Variants in SYNDIG1 observed in about 807,000 individuals in gnomAD.
The protein encoded by SYNDIG1 is synapse differentiation inducing 1.
Under a neutral mutation model 19.4 loss-of-function variants are expected in SYNDIG1, and 9 were observed. The ratio of observed to expected loss-of-function variants is 0.46; its 90% CI spans 0.28 to 0.81. SYNDIG1 has a LOEUF of 0.81. Among genes scored for constraint, SYNDIG1 ranks in the 30% least tolerant of loss-of-function variants. The pLI, the probability that SYNDIG1 is intolerant of heterozygous loss-of-function variation, is 0.12. For synonymous variants in SYNDIG1, 141 were observed against 145.9 expected, an observed-to-expected ratio of 0.97 and a Z score of 0.24; for missense variants, 311 against 343.3, an observed-to-expected ratio of 0.91 and a Z score of 0.74.
chr20:24,517,645 T>C (rs867064006), intron 1 of SYNDIG1, among the ~76,000 whole-genome samples: 30 of 144,478 alleles, frequency 2.1e-4, no homozygotes, highest in East Asian at 1.2e-3. Flanking sequence ...TATATATATA[T>C]ACACATATAT....
At chr20:24,628,743 C>T (rs1198014551) in intron 3 of SYNDIG1, among the ~76,000 whole-genome samples, 1 of 152,190 alleles carries the variant, frequency 6.6e-6, no homozygotes, top group East Asian at 1.9e-4. Flanking sequence ...CACACCCCTG[C>T]TCCACCCTTT....
chr20:24,484,629 GTGT>G (rs1006375468), intron 1 of SYNDIG1, among the ~76,000 whole-genome samples: 1 of 152,192 alleles, frequency 6.6e-6, no homozygotes, highest in Non-Finnish European at 1.5e-5. Context: ...ATGGGAAGTA[GTGT>G]TGTGTCCACC....
intron 3 of SYNDIG1, among the ~76,000 whole-genome samples, chr20:24,623,973 A>C (rs560830291): frequency 6.6e-6 from 1 of 152,334 alleles, no homozygotes; most frequent in Admixed American, 6.5e-5. Flanking sequence ...TAAAAATGAG[A>C]CCCAACTGGC....
intron 2 of SYNDIG1, among the ~76,000 whole-genome samples, chr20:24,562,854 G>A (rs2057972500): frequency 6.6e-6 from 1 of 152,166 alleles, no homozygotes; most frequent in Non-Finnish European, 1.5e-5. Context: ...GTTACTGTAA[G>A]GCTATAACTA....
intron 1 of SYNDIG1, among the ~76,000 whole-genome samples, chr20:24,534,489 G>T (rs2057323469): frequency 6.6e-6 from 1 of 152,206 alleles, no homozygotes; most frequent in Non-Finnish European, 1.5e-5. Context: ...GGCCCAGTGT[G>T]CTGGGCAGGG....
chr20:24,478,182 A>G (rs1327030214), intron 1 of SYNDIG1, among the ~76,000 whole-genome samples: 1 of 152,254 alleles, frequency 6.6e-6, no homozygotes, highest in Non-Finnish European at 1.5e-5. Flanking sequence ...TAAAGCTGGC[A>G]GGGCCTGTTT....
intron 3 of SYNDIG1, among the ~76,000 whole-genome samples, chr20:24,625,735 C>A (rs1377228421): frequency 1.3e-5 from 2 of 152,108 alleles, no homozygotes; most frequent in Admixed American, 6.5e-5. Context: ...TAGTACAGAA[C>A]AAAATGAAAA....
chr20:24,653,038 G>A (rs754767020), intron 3 of SYNDIG1, among the ~76,000 whole-genome samples: 34 of 152,248 alleles, frequency 2.2e-4, no homozygotes, highest in Admixed American at 1.2e-3. Flanking sequence ...TCTGGACCCC[G>A]CCTAAGCTGG....
At chr20:24,488,394 A>G (rs1046659970) in intron 1 of SYNDIG1, among the ~76,000 whole-genome samples, 3 of 152,182 alleles carry the variant, frequency 2.0e-5, no homozygotes, top group African/African-American at 7.2e-5. Context: ...GGGTGCCCCC[A>G]CTTCTCTTCA....
At chr20:24,570,147 C>A (rs893976377) in intron 2 of SYNDIG1, among the ~76,000 whole-genome samples, 2 of 152,182 alleles carry the variant, frequency 1.3e-5, no homozygotes, top group African/African-American at 4.8e-5. Context: ...AGCAACACTG[C>A]TCTGAAAATA....
intron 3 of SYNDIG1, among the ~76,000 whole-genome samples, chr20:24,600,842 T>C (rs1438452770): frequency 1.3e-5 from 2 of 152,168 alleles, no homozygotes; most frequent in Admixed American, 1.3e-4. Context: ...CTTGAACTCC[T>C]GACCTCAGGC....
chr20:24,645,335 G>A (rs1315908201), intron 3 of SYNDIG1, among the ~76,000 whole-genome samples: 3 of 152,196 alleles, frequency 2.0e-5, no homozygotes, highest in Non-Finnish European at 4.4e-5. Context: ...GATAATCTGA[G>A]TAGGAACACA....
chr20:24,540,868 T>C (rs2057455521), intron 1 of SYNDIG1, among the ~76,000 whole-genome samples: 1 of 152,198 alleles, frequency 6.6e-6, no homozygotes, highest in Non-Finnish European at 1.5e-5. Context: ...TCCTATGGTG[T>C]CTTTTCTGGC....
intron 3 of SYNDIG1, among the ~76,000 whole-genome samples, chr20:24,626,262 G>A (rs1032479745): frequency 6.6e-6 from 1 of 151,404 alleles, no homozygotes; most frequent in Non-Finnish European, 1.5e-5. Flanking sequence ...GGGCGGAGAT[G>A]CTCCTCACTT....
At chr20:24,536,624 G>A (rs2057367182) in intron 1 of SYNDIG1, among the ~76,000 whole-genome samples, 1 of 152,126 alleles carries the variant, frequency 6.6e-6, no homozygotes, top group African/African-American at 2.4e-5. Context: ...AAGCTGAACA[G>A]CCTTCCACAC....
intron 3 of SYNDIG1, among the ~76,000 whole-genome samples, chr20:24,633,495 G>T (rs953595007): frequency 2.0e-5 from 3 of 152,130 alleles, no homozygotes; most frequent in Non-Finnish European, 4.4e-5. Context: ...TTCACGGGGG[G>T]GAATGTTCCA....
At chr20:24,603,832 T>C (rs1420778028) in intron 3 of SYNDIG1, among the ~76,000 whole-genome samples, 1 of 152,200 alleles carries the variant, frequency 6.6e-6, no homozygotes, top group Non-Finnish European at 1.5e-5. Flanking sequence ...AGTGGATACC[T>C]GCTCCTGCAG....
intron 1 of SYNDIG1, among the ~76,000 whole-genome samples, chr20:24,526,005 T>C (rs1052521175): frequency 1.1e-4 from 17 of 152,314 alleles, no homozygotes; most frequent in African/African-American, 4.1e-4. Context: ...CTCCTTAATA[T>C]CTGTTTTGTA....
intron 2 of SYNDIG1, among the ~76,000 whole-genome samples, chr20:24,577,205 T>C (rs543540936): frequency 1.1e-4 from 17 of 152,286 alleles, no homozygotes; most frequent in East Asian, 9.6e-4. Context: ...GCATCACACA[T>C]TGGGGGTTCT....
Sources: gnomAD v4.1 joint callset for allele counts (sites outside exome capture counted in the v4.1 genomes callset) on GRCh38, gnomAD v4.1.1 for gene constraint, MANE v1.5 for transcripts, NCBI Gene and HGNC (gene_info 2026-07-23, HGNC 2026-07-21) for gene names.